Variants in NR5A2 observed in about 807,000 individuals in gnomAD.
The protein encoded by NR5A2 is nuclear receptor subfamily 5 group A member 2.
In NR5A2, 26 loss-of-function variants were observed where a neutral mutation model predicts 62.7. The ratio of observed to expected loss-of-function variants is 0.41; its 90% CI spans 0.30 to 0.58. The LOEUF (loss-of-function observed/expected upper bound fraction) is 0.58. NR5A2 is among the 20% of genes least tolerant of loss of function. The pLI, the probability that NR5A2 is intolerant of heterozygous loss-of-function variation, is 0.22. For missense variants in NR5A2, 541 were observed against 669.1 expected (o/e 0.81, Z 2.11); for synonymous variants, 246 against 241.7 (o/e 1.02, Z -0.16).
intron 6 of NR5A2, among the ~76,000 whole-genome samples, chr1:200,113,812 CAAT>C (rs906059061): frequency 1.3e-5 from 2 of 151,884 alleles, no homozygotes; most frequent in African/African-American, 2.4e-5. Flanking sequence ...GTAGTTAAAA[CAAT>C]GATGAGTGGA....
chr1:200,164,613 T>A (rs1653807276), intron 7 of NR5A2, among the ~76,000 whole-genome samples: 1 of 151,250 alleles, frequency 6.6e-6, no homozygotes, highest in South Asian at 2.1e-4. Flanking sequence ...AGTGGCATGA[T>A]CTCAGCTCAC....
intron 5 of NR5A2, among the ~76,000 whole-genome samples, chr1:200,077,283 A>C (rs567670472): frequency 6.6e-6 from 1 of 152,374 alleles, no homozygotes; most frequent in Admixed American, 6.5e-5. Context: ...AGCCAAAGGA[A>C]AGATTGGTAT....
At chr1:200,076,316 G>T (rs1664035445) in intron 5 of NR5A2, among the ~76,000 whole-genome samples, 1 of 152,178 alleles carries the variant, frequency 6.6e-6, no homozygotes. Context: ...TACCCAGCCT[G>T]CAGTATCAGT....
At chr1:200,173,530 A>G (rs1398519101) in intron 7 of NR5A2, among the ~76,000 whole-genome samples, 2 of 152,240 alleles carry the variant, frequency 1.3e-5, no homozygotes, top group African/African-American at 4.8e-5. Flanking sequence ...TAACTACATC[A>G]TACCCTGGAC....
chr1:200,049,723 G>A (rs2821369), intron 5 of NR5A2, among the ~76,000 whole-genome samples: 17,256 of 152,094 alleles, frequency 0.11, 1,219 homozygotes, highest in African/African-American at 0.21. Flanking sequence ...TTGCTGTAAC[G>A]GGGAGAGATG....
At chr1:200,086,840 A>T (rs1664552309) in intron 5 of NR5A2, among the ~76,000 whole-genome samples, 1 of 152,062 alleles carries the variant, frequency 6.6e-6, no homozygotes, top group African/African-American at 2.4e-5. Flanking sequence ...GGAGTTCAAG[A>T]CTAGCCTGAC....
intron 7 of NR5A2, among the ~76,000 whole-genome samples, chr1:200,170,393 A>T (rs951916089): frequency 1.3e-5 from 2 of 152,360 alleles, no homozygotes; most frequent in Admixed American, 6.5e-5. Context: ...ATGAAAAAGT[A>T]TGCATTTTCA....
rs1654396710 is a variant in NR5A2 at position 200,175,873 on chromosome 1, A to G, written c.*1663A>G. Reference sequence around the variant, plus strand: ...AATAAAAGTATCTCCTAGTCCCTTAATTTTTTCATAAATATTTCTGGCTTT... The same window carrying G: ...AATAAAAGTATCTCCTAGTCCCTTAGTTTTTTCATAAATATTTCTGGCTTT... On this transcript the variant is annotated 3_prime_UTR_variant, in exon 8 of 8. Coordinates refer to ENST00000367362, the MANE Select transcript of NR5A2 (RefSeq NM_205860.3). The G allele has an allele frequency of 6.6e-6, 1 of 152,518 alleles. No homozygotes were observed. The highest frequency in any genetic ancestry group is 1.5e-5 in the Non-Finnish European group (1 of 68,020). The allele number at this position is 152,518 out of a possible 1,614,324, so 9.4% of individuals were successfully genotyped here.
chr1:200,076,147 A>G (rs893674064), intron 5 of NR5A2, among the ~76,000 whole-genome samples: 2 of 152,190 alleles, frequency 1.3e-5, no homozygotes, highest in Non-Finnish European at 1.5e-5. Flanking sequence ...GCATGGTTTA[A>G]TGTGCTAACA....
chr1:200,075,778 T>C (rs1664001068), intron 5 of NR5A2, among the ~76,000 whole-genome samples: 1 of 152,210 alleles, frequency 6.6e-6, no homozygotes, highest in African/African-American at 2.4e-5. Flanking sequence ...GAGGTGAGGA[T>C]GTTCTAGTCA....
chr1:200,082,714 T>G (rs530261863), intron 5 of NR5A2, among the ~76,000 whole-genome samples: 1 of 152,316 alleles, frequency 6.6e-6, no homozygotes, highest in African/African-American at 2.4e-5. Context: ...ATTCCCATGT[T>G]TCTGTATATA....
At chr1:200,087,173 C>G (rs1664590560) in intron 5 of NR5A2, among the ~76,000 whole-genome samples, 2 of 151,854 alleles carry the variant, frequency 1.3e-5, no homozygotes, top group African/African-American at 4.8e-5. Context: ...CATGCATACT[C>G]TTCCTCTTCC....
At chr1:200,032,775 AG>A (rs1157452276) in intron 1 of NR5A2, among the ~76,000 whole-genome samples, 3 of 150,800 alleles carry the variant, frequency 2.0e-5, no homozygotes, top group Non-Finnish European at 4.4e-5. Context: ...ATGGAATCAG[AG>A]GTCAAGCAAT....
At position 200,063,086 on chromosome 1, in the gene NR5A2, C is replaced by T. The variant is rs531268901; in HGVS notation, c.1110+14268C>T. ...TCACCCAGGCTGGAGTGCAGTGTCG[C>T]GATTTCGGCTCACTGCAACCCCTGC... On this transcript the variant is annotated intron_variant, in intron 5 of 7. Coordinates refer to ENST00000367362, the MANE Select transcript of NR5A2 (RefSeq NM_205860.3). Among the ~76,000 whole-genome samples, 397 of 151,420 alleles carry T rather than the reference C, an allele frequency of 2.6e-3. 2 individuals carry two copies. Among genetic ancestry groups the T allele is most frequent in the South Asian group, 7.3e-3 (35 of 4,814 alleles).
intron 7 of NR5A2, among the ~76,000 whole-genome samples, chr1:200,121,478 T>C (rs1666477643): frequency 6.6e-6 from 1 of 152,188 alleles, no homozygotes; most frequent in Non-Finnish European, 1.5e-5. Context: ...ATGACAGTTG[T>C]CAAGGGGAAA....
rs145778729 is a variant in NR5A2 at position 200,039,695 on chromosome 1, C to T, written c.102C>T (p.Pro34=). The T allele has an allele frequency of 2.5e-6, 4 of 1,609,986 alleles. No individual in the cohort carries two copies. The highest frequency in any genetic ancestry group is 1.4e-5 in the African/African-American group (1 of 73,976). ...GLPDRHGSPI[P]ARGRLVMLPK... is the part of the protein sequence containing the mutation. ...CGGACCGACACGGATCCCCCATCCC[C>T]GCCCGCGGTCGCCTTGTCATGCTGC... The change falls in exon 2 of 8, where the codon CCC becomes CCT. Residue 34 remains proline, a synonymous_variant. Coordinates refer to ENST00000367362, the MANE Select transcript of NR5A2 (RefSeq NM_205860.3). This position sits in a 1 kb window ranked among gnomAD's most constrained non-coding sequence, Gnocchi z 5.1.
intron 1 of NR5A2, among the ~76,000 whole-genome samples, chr1:200,028,264 A>C (rs1301011432): frequency 1.3e-5 from 2 of 152,130 alleles, no homozygotes; most frequent in Admixed American, 1.3e-4. Context: ...ATTTGAAACA[A>C]GTTAATCATA....
chr1:200,138,261 T>C (rs1667311460), intron 7 of NR5A2, among the ~76,000 whole-genome samples: 1 of 152,212 alleles, frequency 6.6e-6, no homozygotes, highest in Non-Finnish European at 1.5e-5. Context: ...GTCAAAGTGT[T>C]CTCCAAAGTA....
chr1:200,044,999 G>T (rs1662292623), intron 3 of NR5A2, among the ~76,000 whole-genome samples: 1 of 150,880 alleles, frequency 6.6e-6, no homozygotes, highest in Non-Finnish European at 1.5e-5. Flanking sequence ...AAAAAAATCT[G>T]AGGTGTTTTG....
Sources: allele counts gnomAD v4.1 joint callset (sites outside exome capture counted in the v4.1 genomes callset), GRCh38; gene constraint gnomAD v4.1.1; non-coding constraint Gnocchi (gnomAD v3.1); transcripts MANE v1.5; gene names NCBI Gene and HGNC (gene_info 2026-07-23, HGNC 2026-07-21).